The following NRXN3 variants were observed in gnomAD, a reference collection of about 807,000 sequenced individuals.
NRXN3 encodes neurexin 3, also known as neurexin III.
In NRXN3, 32 loss-of-function variants were observed where a neutral mutation model predicts 137.6. That is an observed-to-expected ratio of 0.23 (90% CI 0.18 to 0.31). NRXN3 has a LOEUF of 0.31. Ranked by LOEUF, NRXN3 falls within the 10% of genes least tolerant of loss-of-function variation. NRXN3 has a pLI of 1.00. For missense variants in NRXN3, 1,574 were observed against 2,062.5 expected (o/e 0.76, Z 4.59); for synonymous variants, 798 against 784.5 (o/e 1.02, Z -0.29).
chr14:79,082,716 C>T (rs1019991343), intron 15 of NRXN3, among the ~76,000 whole-genome samples: 2 of 152,112 alleles, frequency 1.3e-5, no homozygotes, highest in African/African-American at 4.8e-5. Flanking sequence ...CACGTTACAT[C>T]AGGCATGAAT....
chr14:79,837,865 A>G lies in NRXN3; in HGVS notation c.4094-23477A>G, dbSNP rs149980350. On this transcript the variant is annotated intron_variant, in intron 20 of 20. Transcript: ENST00000335750. ...TAAACTCTTCATGCAGCATCTTCCT[A>G]TCTCAATTTGTACCCGTTAGCCAGT... Among the ~76,000 whole-genome samples the G allele has an allele frequency of 1.9e-3, 283 of 152,286 alleles. 1 individual carries two copies. Among genetic ancestry groups the G allele is most frequent in the Non-Finnish European group, 3.4e-3 (230 of 68,020 alleles).
intron 8 of NRXN3, among the ~76,000 whole-genome samples, chr14:78,725,432 G>A (rs1324580988): frequency 3.3e-5 from 5 of 152,208 alleles, no homozygotes. Flanking sequence ...CATCATTCCT[G>A]TAGTAGCTCA....
chr14:78,479,094 T>G (rs2095429446), intron 4 of NRXN3, among the ~76,000 whole-genome samples: 1 of 152,220 alleles, frequency 6.6e-6, no homozygotes, highest in South Asian at 2.1e-4. Context: ...CTGTGCTTCA[T>G]AAGTGAGAAA....
At chr14:78,393,342 A>G (rs971455707) in intron 4 of NRXN3, among the ~76,000 whole-genome samples, 4 of 152,086 alleles carry the variant, frequency 2.6e-5, no homozygotes, top group Non-Finnish European at 5.9e-5. Flanking sequence ...TGTAACAACC[A>G]GGTTATTGAC....
chr14:78,977,620 C>G (rs1418385170), intron 14 of NRXN3, among the ~76,000 whole-genome samples: 1 of 152,170 alleles, frequency 6.6e-6, no homozygotes, highest in Non-Finnish European at 1.5e-5. Context: ...ATGCTACCAG[C>G]CATCCTCTCA....
At position 79,607,673 on chromosome 14, in the gene NRXN3, A is replaced by G. The variant is rs117301564; in HGVS notation, c.3445-56105A>G. ...CCACATATTTAAATGTTAATCTACA[A>G]TTTTTTTTTTTTTTTTTGAGACAGG... On this transcript the variant is annotated intron_variant, in intron 16 of 20. Coordinates refer to ENST00000335750, the MANE Select transcript of NRXN3 (RefSeq NM_001330195.2). 0.017 allele frequency among the ~76,000 whole-genome samples: 2,362 copies of G among 141,650 alleles called. 175 individuals carry two copies. In the East Asian group the frequency reaches 0.25, roughly 15 times the overall value. The allele number at this position is 141,650 out of a possible 152,430, so 92.9% of individuals were successfully genotyped here.
chr14:79,342,593 G>A lies in NRXN3; in HGVS notation c.3263-124628G>A, dbSNP rs1386045455. ...CCTTGGGATATAAAATTTTAAGTCT[G>A]CTGAATTGGAGAATTTCTATTTATT... On this transcript the variant is annotated intron_variant, in intron 15 of 20. Coordinates refer to ENST00000335750, the MANE Select transcript of NRXN3 (RefSeq NM_001330195.2). 3.9e-5 allele frequency among the ~76,000 whole-genome samples: 6 copies of A among 151,936 alleles called. No homozygotes were observed. In the East Asian group the frequency reaches 9.7e-4, roughly 25 times the overall value.
chr14:78,792,590 T>A (rs2098809062), intron 8 of NRXN3, among the ~76,000 whole-genome samples: 1 of 152,188 alleles, frequency 6.6e-6, no homozygotes. Context: ...TGAAAGAGCA[T>A]GTTAAGTTGT....
In NRXN3 at chr14:79,561,686, C is replaced by G. The variant is rs748461097; in HGVS notation, c.3444+94284C>G. ...GCTATTGACTGATCTCGTTGCGTTT[C>G]CTCATGCTTTCATCAAAAGGTAGCA... is the stretch of plus-strand genomic sequence containing the variant. On this transcript the variant is annotated intron_variant, in intron 16 of 20. Transcript: ENST00000335750. 2.1e-4 allele frequency among the ~76,000 whole-genome samples: 32 copies of G among 152,128 alleles called. No homozygotes were observed. In the East Asian group the frequency reaches 2.7e-3, roughly 13 times the overall value.
At chr14:78,683,690 G>C (rs902184260) in intron 6 of NRXN3, among the ~76,000 whole-genome samples, 1 of 152,168 alleles carries the variant, frequency 6.6e-6, no homozygotes, top group African/African-American at 2.4e-5. Flanking sequence ...CTTTATGTGT[G>C]GTAAAAGTAG....
intron 15 of NRXN3, among the ~76,000 whole-genome samples, chr14:79,069,221 A>G (rs2099684461): frequency 6.6e-6 from 1 of 152,074 alleles, no homozygotes; most frequent in African/African-American, 2.4e-5. Context: ...TTTATACCTG[A>G]CCATCTCTTT....
intron 16 of NRXN3, among the ~76,000 whole-genome samples, chr14:79,508,745 A>G (rs2096904171): frequency 6.6e-6 from 1 of 152,122 alleles, no homozygotes; most frequent in Non-Finnish European, 1.5e-5. Flanking sequence ...TTGTCATTTT[A>G]GTCAAAGAGG....
intron 8 of NRXN3, among the ~76,000 whole-genome samples, chr14:78,758,718 T>A (rs972356539): frequency 1.3e-5 from 2 of 152,224 alleles, no homozygotes; most frequent in African/African-American, 2.4e-5. Context: ...TTTTTGAGAA[T>A]GCGCTAATGC....
At chr14:78,493,523 C>CAAATAAAT (rs144261455) in intron 4 of NRXN3, among the ~76,000 whole-genome samples, 3,219 of 139,178 alleles carry the variant, frequency 0.023, 53 homozygotes, top group East Asian at 0.043. Flanking sequence ...AACTCCATCT[C>CAAATAAAT]AAATAAATAA....
chr14:78,699,777 T>C (rs1422245604), intron 6 of NRXN3, among the ~76,000 whole-genome samples: 1 of 152,198 alleles, frequency 6.6e-6, no homozygotes, highest in Non-Finnish European at 1.5e-5. Context: ...TCAAATATTC[T>C]AAAACAGAAG....
intron 19 of NRXN3, among the ~76,000 whole-genome samples, chr14:79,794,741 G>A (rs1177044722): frequency 1.3e-5 from 2 of 152,180 alleles, no homozygotes; most frequent in South Asian, 2.1e-4. Flanking sequence ...ACCTCCCAAG[G>A]AGAAACATTG....
intron 6 of NRXN3, among the ~76,000 whole-genome samples, chr14:78,665,344 C>CAAGA (rs1330610249): frequency 6.6e-6 from 1 of 152,126 alleles, no homozygotes; most frequent in Non-Finnish European, 1.5e-5. Context: ...CAAACATGTC[C>CAAGA]TTCTTAACAT....
At chr14:78,514,102 C>G (rs74339119) in intron 4 of NRXN3, among the ~76,000 whole-genome samples, 10 of 152,076 alleles carry the variant, frequency 6.6e-5, no homozygotes, top group Non-Finnish European at 1.3e-4. Context: ...TTATGATTTG[C>G]AAAGCTAGCA....
intron 3 of NRXN3, among the ~76,000 whole-genome samples, chr14:78,295,429 A>G (rs1005721377): frequency 2.6e-5 from 4 of 152,222 alleles, no homozygotes; most frequent in African/African-American, 9.7e-5. Context: ...TGATAAGTAC[A>G]TATTTGAATT....
Sources: allele counts gnomAD v4.1 joint callset (sites outside exome capture counted in the v4.1 genomes callset), GRCh38; gene constraint gnomAD v4.1.1; transcripts MANE v1.5; gene names NCBI Gene and HGNC (gene_info 2026-07-23, HGNC 2026-07-21).